Variants in HNRNPH1 observed in about 807,000 individuals in gnomAD.
HNRNPH1 encodes the protein heterogeneous nuclear ribonucleoprotein H1, also known as heterogeneous nuclear ribonucleoprotein H.
HNRNPH1 carries 4 observed loss-of-function variants against 58.6 expected under a neutral mutation model. The observed-to-expected ratio is 0.07, with a 90% CI of 0.03 to 0.16. The LOEUF (loss-of-function observed/expected upper bound fraction) is 0.16, where lower values mean the gene tolerates loss of function less well. Among genes scored for constraint, HNRNPH1 ranks in the 10% least tolerant of loss-of-function variants. HNRNPH1 has a pLI of 1.00. For synonymous variants in HNRNPH1, 192 were observed against 189.2 expected, an observed-to-expected ratio of 1.01 and a Z score of -0.12; for missense variants, 271 against 564.2, an observed-to-expected ratio of 0.48 and a Z score of 5.26.
At chr5:179,620,815 C>T (rs1317791380) in intron 3 of HNRNPH1, 77 bp downstream of exon 4, 1 of 1,318,102 alleles carries the variant, frequency 7.6e-7, no homozygotes, top group African/African-American at 1.5e-5. Flanking sequence ...CTAAGCTACT[C>T]AACTTTAACG....
chr5:179,624,968 T>G (rs1774221688), upstream of HNRNPH1, among the ~76,000 whole-genome samples: 1 of 152,166 alleles, frequency 6.6e-6, no homozygotes, highest in African/African-American at 2.4e-5. Flanking sequence ...GGGCCTGATC[T>G]TCAAAGGCCA....
At chr5:179,620,760 G>A (rs561441353) in intron 3 of HNRNPH1, 132 bp downstream of exon 4, 49 of 727,598 alleles carry the variant, frequency 6.7e-5, no homozygotes, top group South Asian at 3.9e-4. Context: ...AGGTCTCTAG[G>A]AAGAAAACAT....
intron 7 of HNRNPH1, 51 bp from the exon 9 acceptor site, chr5:179,617,700 AAAAAACCT>A: frequency 6.2e-7 from 1 of 1,604,410 alleles, no homozygotes; most frequent in Middle Eastern, 1.7e-4. Flanking sequence ...AACGTTACAA[AAAAAACCT>A]AAAATTTCTA....
chr5:179,633,481 T>C (rs1202878627), intron 2 of HNRNPH1, among the ~76,000 whole-genome samples: 9 of 144,374 alleles, frequency 6.2e-5, no homozygotes, highest in Admixed American at 6.2e-4. Flanking sequence ...TTTTTTTTTT[T>C]TTTTGTATTT....
chr5:179,618,652 G>C (rs982914682), intron 4 of HNRNPH1: 2 of 198,586 alleles, frequency 1.0e-5, no homozygotes, highest in Non-Finnish European at 2.0e-5. Context: ...TAAATCCATT[G>C]GCAGCATGTA....
chr5:179,629,976 A>G (rs1252937424), intron 2 of HNRNPH1, among the ~76,000 whole-genome samples: 1 of 152,130 alleles, frequency 6.6e-6, no homozygotes, highest in African/African-American at 2.4e-5. Flanking sequence ...GTGAGACTAG[A>G]TCACGCCACT....
At chr5:179,617,018 TAC>T in intron 9 of HNRNPH1, 31 bp downstream of exon 10, 1 of 1,606,066 alleles carries the variant, frequency 6.2e-7, no homozygotes, top group Non-Finnish European at 8.5e-7. Flanking sequence ...AAGTGATATT[TAC>T]ACAAACCCAT....
chr5:179,623,437 C>G (rs964155235), exon 1 of HNRNPH1: 4 of 248,682 alleles, frequency 1.6e-5, no homozygotes, highest in Non-Finnish European at 3.2e-5. Context: ...CCTCCGACTT[C>G]TCACACAATA....
At chr5:179,615,022 G>A in intron 12 of HNRNPH1, 63 bp from the exon 14 acceptor site, 1 of 1,013,258 alleles carries the variant, frequency 9.9e-7, no homozygotes, top group Non-Finnish European at 1.5e-6. Flanking sequence ...ATAAAATATA[G>A]TATTCCAAGA....
chr5:179,617,981 T>TAC lies in HNRNPH1; in HGVS notation c.787+6_787+7dup. 1 of 1,614,100 alleles carries TAC rather than the reference T, an allele frequency of 6.2e-7. No individual in the cohort carries two copies. The highest frequency in any genetic ancestry group is 1.1e-5 in the South Asian group (1 of 91,090). On this transcript the variant is annotated splice_region_variant and intron_variant, in intron 6 of 12. Coordinates refer to ENST00000356731, the Ensembl canonical transcript of HNRNPH1. Reference sequence around the variant, plus strand: ...TCCTTCAACTGAGAAATTCAATTCTTACCTTACCTCTTCCAAATCTATCTG... The same window carrying TAC: ...TCCTTCAACTGAGAAATTCAATTCTTACACCTTACCTCTTCCAAATCTATCTG...
At chr5:179,615,317 G>GTGTC (rs1768992929) in intron 12 of HNRNPH1, 1 of 472,456 alleles carries the variant, frequency 2.1e-6, no homozygotes, top group Non-Finnish European at 3.8e-6. Flanking sequence ...CATTCACAAT[G>GTGTC]TGTCCCTCGA....
chr5:179,618,546 C>T (rs1273010538), intron 4 of HNRNPH1: 1 of 402,970 alleles, frequency 2.5e-6, no homozygotes, highest in Admixed American at 4.1e-5. Flanking sequence ...ACTCACTCCT[C>T]TGAGGCAGAG....
At chr5:179,623,360 C>A (rs968130729) in exon 1 of HNRNPH1, 2 of 359,844 alleles carry the variant, frequency 5.6e-6, no homozygotes, top group South Asian at 2.8e-5. Flanking sequence ...CGCCCCGAAC[C>A]GTGGGGGCCC....
At chr5:179,614,645 T>C (rs528675391) in exon 13 of HNRNPH1, 7 of 445,600 alleles carry the variant, frequency 1.6e-5, no homozygotes, top group African/African-American at 1.2e-4. Flanking sequence ...TTTACTCAGC[T>C]TCACTGTTAC....
At chr5:179,618,665 G>C in intron 4 of HNRNPH1, 1 of 188,510 alleles carries the variant, frequency 5.3e-6, no homozygotes, top group South Asian at 1.3e-4. Flanking sequence ...AGCATGTATA[G>C]CAAGTGGGCT....
upstream of HNRNPH1, among the ~76,000 whole-genome samples, chr5:179,628,716 G>A (rs1774576444): frequency 6.6e-6 from 1 of 152,172 alleles, no homozygotes; most frequent in African/African-American, 2.4e-5. Flanking sequence ...ATGGTGGGCT[G>A]ATCACTTGAA....
chr5:179,617,911 C>G (rs1185588348), exon 7 of HNRNPH1: 4 of 1,614,048 alleles, frequency 2.5e-6, no homozygotes, highest in South Asian at 1.1e-5. Context: ...ATCAGACATT[C>G]CTGAAAAACA....
intron 2 of HNRNPH1, 72 bp from the exon 4 acceptor site, chr5:179,621,107 G>GAAA: frequency 3.9e-6 from 6 of 1,552,510 alleles, no homozygotes; most frequent in Non-Finnish European, 4.4e-6. Flanking sequence ...TGGGTCTTTA[G>GAAA]ATAAGCTAGG....
rs866316977 is a variant in HNRNPH1 at position 179,616,859 on chromosome 5, C to T, written c.1207+10G>A. ...ACGTTTTGGTTTTTAAAAAAACTAACGATATTTACACAAGCCCATGCCTCC... is the reference window on the plus strand; with the variant it reads ...ACGTTTTGGTTTTTAAAAAAACTAATGATATTTACACAAGCCCATGCCTCC... On this transcript the variant is annotated intron_variant, in intron 10 of 12. Transcript: ENST00000356731. The T allele has an allele frequency of 6.8e-6, 11 of 1,609,432 alleles. No homozygotes were observed. In the East Asian group the frequency reaches 8.9e-5, roughly 13 times the overall value.
Sources: gnomAD v4.1 joint callset for allele counts (sites outside exome capture counted in the v4.1 genomes callset) on GRCh38, gnomAD v4.1.1 for gene constraint, MANE v1.5 for transcripts, NCBI Gene and HGNC (gene_info 2026-07-23, HGNC 2026-07-21) for gene names.